Variants in PPP1R16A observed in about 807,000 individuals in gnomAD.
PPP1R16A encodes myosin phosphatase-targeting subunit 3.
A neutral mutation model predicts 46.6 loss-of-function variants in PPP1R16A; 39 were observed. That is an observed-to-expected ratio of 0.84 (90% CI 0.65 to 1.09). The LOEUF is 1.09. Among genes scored for constraint, PPP1R16A ranks in the 50% least tolerant of loss-of-function variants. The pLI, the probability that PPP1R16A is intolerant of heterozygous loss-of-function variation, is 0.00. For missense variants in PPP1R16A, 798 were observed against 735.6 expected (o/e 1.08, Z -0.98); for synonymous variants, 413 against 321.5 (o/e 1.28, Z -3.04).
chr8:144,480,828 C>T (rs969435890), intron 1 of PPP1R16A, among the ~76,000 whole-genome samples: 4 of 151,808 alleles, frequency 2.6e-5, no homozygotes, highest in Non-Finnish European at 4.4e-5. Context: ...GTGTAACTTA[C>T]AGTAAGATGC....
At chr8:144,479,370 G>A (rs970216108) in intron 1 of PPP1R16A, among the ~76,000 whole-genome samples, 1 of 152,192 alleles carries the variant, frequency 6.6e-6, no homozygotes, top group African/African-American at 2.4e-5. Context: ...TTGGGATGGG[G>A]GTGGCTTTAG....
chr8:144,495,333 G>A (rs1211111231), intron 2 of PPP1R16A: 1 of 152,296 alleles, frequency 6.6e-6, no homozygotes, highest in Admixed American at 6.5e-5. Context: ...GTCCAGCAGT[G>A]AAGAGTTGGG....
Position 144,500,529 on chromosome 8 carries a change from C to CT in PPP1R16A, c.749dup (p.Leu251AlafsTer11). 6.3e-7 allele frequency: 1 copy of CT among 1,593,800 alleles called. No individual in the cohort carries two copies. The highest frequency in any genetic ancestry group is 2.2e-5 in the East Asian group (1 of 44,596). On this transcript the variant is annotated frameshift_variant, in exon 8 of 12. Transcript: ENST00000435887. LOFTEE classifies it high-confidence loss of function. ...CAACGGGTTCAGCGAGGCGGCTGCC[C>CT]TGCTGCTGGAACACCGAGCCAGCCT...
rs1247394739 is a variant in PPP1R16A at position 144,499,423 on chromosome 8, A to AGGT, written c.476+363_476+365dup. ...TTGGGAGGAGAGGGTACCTGAGCAC[A>AGGT]GGTAGGGCCTTTACCTTTAACACAG... On this transcript the variant is annotated intron_variant, in intron 5 of 11. Transcript: ENST00000435887. 1.7e-5 allele frequency: 5 copies of AGGT among 293,530 alleles called. No homozygotes were observed. The East Asian group carries it at 3.3e-4, about 19-fold the overall frequency. The allele number at this position is 293,530 out of a possible 1,614,324, so 18.2% of individuals were successfully genotyped here.
In PPP1R16A at chr8:144,500,085, C is replaced by T; in HGVS notation, c.477-11C>T. The T allele has an allele frequency of 6.2e-7, 1 of 1,602,224 alleles. No homozygotes were observed. The highest frequency in any genetic ancestry group is 8.5e-7 in the Non-Finnish European group (1 of 1,174,772). On this transcript the variant is annotated splice_polypyrimidine_tract_variant and intron_variant, in intron 5 of 11. Transcript: ENST00000435887. ...GCCTTGTGCCCAGCACCCCGTCCGT[C>T]TTCCCTGCAGTGGCGCCAATCTCCT...
At chr8:144,495,003 T>A (rs1007117821) in intron 2 of PPP1R16A, among the ~76,000 whole-genome samples, 2 of 152,204 alleles carry the variant, frequency 1.3e-5, no homozygotes, top group African/African-American at 4.8e-5. Flanking sequence ...GTGCTTGCCC[T>A]GGCCTCTGCG....
chr8:144,486,719 T>C (rs1825639723), intron 1 of PPP1R16A, among the ~76,000 whole-genome samples: 1 of 152,230 alleles, frequency 6.6e-6, no homozygotes, highest in Non-Finnish European at 1.5e-5. Flanking sequence ...TTTTTACTGC[T>C]GATTTTTTGA....
chr8:144,485,075 G>GAGACC (rs1197926443), intron 1 of PPP1R16A, among the ~76,000 whole-genome samples: 2 of 151,968 alleles, frequency 1.3e-5, no homozygotes, highest in African/African-American at 4.8e-5. Flanking sequence ...AAAGGAGGCT[G>GAGACC]AGACCAGAGT....
At chr8:144,482,822 T>C (rs1825485560) in intron 1 of PPP1R16A, among the ~76,000 whole-genome samples, 1 of 152,178 alleles carries the variant, frequency 6.6e-6, no homozygotes, top group African/African-American at 2.4e-5. Context: ...CTGATTTTTG[T>C]AATTTTAGTA....
chr8:144,499,321 G>A (rs1283373381), intron 5 of PPP1R16A: 6 of 531,282 alleles, frequency 1.1e-5, no homozygotes, highest in Non-Finnish European at 2.0e-5. Flanking sequence ...CCCCCAGAGT[G>A]TGCACAGAGA....
chr8:144,500,889 C>A lies in PPP1R16A; in HGVS notation c.955C>A (p.His319Asn), dbSNP rs1006585311. The A allele has an allele frequency of 6.4e-6, 10 of 1,551,494 alleles. No homozygotes were observed. The highest frequency in any genetic ancestry group is 1.7e-4 in the Middle Eastern group (1 of 5,938). Residue 319 changes from histidine to asparagine, a missense_variant, in exon 10 of 12, where the codon CAC (histidine) becomes AAC (asparagine). Transcript: ENST00000435887. ...GCGGGCCAAGCTGCTGGAGCTGAAGCACAAGCACGACGCCCTCCTGCGCGC... is the reference window on the plus strand; with the variant it reads ...GCGGGCCAAGCTGCTGGAGCTGAAGAACAAGCACGACGCCCTCCTGCGCGC... ...EVRAKLLELK[H>N]KHDALLRAQS... is the part of the protein sequence containing the mutation.
chr8:144,498,759 C>T lies in PPP1R16A; in HGVS notation c.260-11C>T, dbSNP rs535493709. On this transcript the variant is annotated splice_polypyrimidine_tract_variant and intron_variant, in intron 3 of 11. Transcript: ENST00000435887. ...GCAGGACCCTGTCCTCACCTCGCCA[C>T]CTTTTTGCAGTCCGCCAGTTCCTTG... is the stretch of plus-strand genomic sequence containing the variant. 5.5e-5 allele frequency: 86 copies of T among 1,573,886 alleles called. 2 individuals carry two copies. In the South Asian group the frequency reaches 9.4e-4, roughly 17 times the overall value.
chr8:144,501,965 T>G lies in PPP1R16A; in HGVS notation c.*62T>G, dbSNP rs1586768563. Reference sequence around the variant, plus strand: ...ACAGCCCAAGGCTGCCTCCCCACGGTGCGTGCCCTGGTGCTGCGGGTGCAG... The same window carrying G: ...ACAGCCCAAGGCTGCCTCCCCACGGGGCGTGCCCTGGTGCTGCGGGTGCAG... On this transcript the variant is annotated 3_prime_UTR_variant, in exon 12 of 12. Coordinates refer to ENST00000435887, the MANE Select transcript of PPP1R16A (RefSeq NM_001329443.2). 1 of 1,441,688 alleles carries G rather than the reference T, an allele frequency of 6.9e-7. No individual in the cohort carries two copies. The highest frequency in any genetic ancestry group is 1.4e-5 in the South Asian group (1 of 70,036). 89.3% of individuals were successfully genotyped at this position (1,441,688 alleles called of 1,614,324 possible).
chr8:144,501,315 C>A, intron 11 of PPP1R16A, 21 bp downstream of exon 11: 1 of 1,554,202 alleles, frequency 6.4e-7, no homozygotes, highest in Non-Finnish European at 8.7e-7. Flanking sequence ...CGTCCCTGCT[C>A]CGCCCAGCGC....
At chr8:144,479,888 C>T (rs1825333366) in intron 1 of PPP1R16A, among the ~76,000 whole-genome samples, 1 of 152,214 alleles carries the variant, frequency 6.6e-6, no homozygotes, top group Non-Finnish European at 1.5e-5. Context: ...CAGAGCCTTC[C>T]ATGTCACATC....
chr8:144,497,166 A>T lies in PPP1R16A; in HGVS notation c.-29A>T, dbSNP rs1826113149. ...CCAAGCTCCCCACTCTGGTGCCCCGAGCAGCCCTGTGGGCAAGCAGCCGCC... is the reference window on the plus strand; with the variant it reads ...CCAAGCTCCCCACTCTGGTGCCCCGTGCAGCCCTGTGGGCAAGCAGCCGCC... On this transcript the variant is annotated 5_prime_UTR_variant, in exon 3 of 12. Coordinates refer to ENST00000435887, the MANE Select transcript of PPP1R16A (RefSeq NM_001329443.2). The T allele has an allele frequency of 1.3e-6, 2 of 1,544,206 alleles. No homozygotes were observed. Among genetic ancestry groups the T allele is most frequent in the African/African-American group, 2.7e-5 (2 of 73,140 alleles).
chr8:144,484,333 A>G (rs1825557527), intron 1 of PPP1R16A, among the ~76,000 whole-genome samples: 1 of 152,244 alleles, frequency 6.6e-6, no homozygotes, highest in Admixed American at 6.5e-5. Flanking sequence ...TAGTTGCCAC[A>G]TCTACTCCGT....
chr8:144,500,703 G>C lies in PPP1R16A; in HGVS notation c.849G>C (p.Leu283=). The C allele has an allele frequency of 1.2e-6, 2 of 1,611,450 alleles. No homozygotes were observed. ...AYWGQVPLVE[L]LVAHGADLNA... is the part of the protein sequence containing the mutation. ...GTCCACAGGTGCCCCTGGTGGAGCT[G>C]CTCGTGGCGCACGGGGCCGACCTGA... The change falls in exon 9 of 12, where the codon CTG becomes CTC. Residue 283 remains leucine, a synonymous_variant. Transcript: ENST00000435887.
chr8:144,484,159 G>A (rs975756324), intron 1 of PPP1R16A, among the ~76,000 whole-genome samples: 1 of 152,242 alleles, frequency 6.6e-6, no homozygotes, highest in Non-Finnish European at 1.5e-5. Context: ...CCACTGGCAC[G>A]TCTGTCCGCA....
Sources: gnomAD v4.1 joint callset for allele counts (sites outside exome capture counted in the v4.1 genomes callset) on GRCh38, gnomAD v4.1.1 for gene constraint, MANE v1.5 for transcripts, NCBI Gene and HGNC (gene_info 2026-07-23, HGNC 2026-07-21) for gene names.